The following DUOXA1 variants were observed in gnomAD, a reference collection of about 807,000 sequenced individuals.
DUOXA1 encodes dual oxidase activator 1.
A neutral mutation model predicts 26.6 loss-of-function variants in DUOXA1; 19 were observed. The ratio of observed to expected loss-of-function variants is 0.71; its 90% CI spans 0.50 to 1.05. The LOEUF is 1.05. Ranked by LOEUF, DUOXA1 falls within the 50% of genes least tolerant of loss-of-function variation. The probability of loss-of-function intolerance (pLI) is 0.00; values close to 1 mark genes in which losing one functional copy is unlikely to be tolerated. For missense variants in DUOXA1, 403 were observed against 427.5 expected (o/e 0.94, Z 0.51); for synonymous variants, 166 against 177.0 (o/e 0.94, Z 0.49).
chr15:45,119,707 A>C (rs1045354985), intron 8 of DUOXA1, among the ~76,000 whole-genome samples: 18 of 152,166 alleles, frequency 1.2e-4, no homozygotes, highest in African/African-American at 3.9e-4. Context: ...GGGAGTAGAC[A>C]GCGGGACAGG....
chr15:45,119,804 T>C (rs111472660), intron 8 of DUOXA1, among the ~76,000 whole-genome samples: 122 of 151,376 alleles, frequency 8.1e-4, no homozygotes, highest in Middle Eastern at 3.4e-3. Context: ...AGAAGGGTAT[T>C]TGGAGGAAGC....
At position 45,120,684 on chromosome 15, in the gene DUOXA1, C is replaced by A; in HGVS notation, c.462G>T (p.Val154=). The A allele has an allele frequency of 6.2e-7, 1 of 1,614,166 alleles. No individual in the cohort carries two copies. Among genetic ancestry groups the A allele is most frequent in the Non-Finnish European group, 8.5e-7 (1 of 1,180,014 alleles). The change falls in exon 7 of 9, where the codon GTG becomes GTT. Residue 154 remains valine, a synonymous_variant. Transcript: ENST00000560572. Reference sequence around the variant, plus strand: ...GAGTGAACTTCTCAGCTAGGTACAACACAGGGTCTGGCAGCCCCTTCTCCA... The same window carrying A: ...GAGTGAACTTCTCAGCTAGGTACAAAACAGGGTCTGGCAGCCCCTTCTCCA... ...KALEKGLPDP[V]LYLAEKFTPR... is the part of the protein sequence containing the mutation.
chr15:45,120,319 C>T lies in DUOXA1; in HGVS notation c.556G>A (p.Val186Met). The T allele has an allele frequency of 6.2e-7, 1 of 1,613,948 alleles. No individual in the cohort carries two copies. The highest frequency in any genetic ancestry group is 8.5e-7 in the Non-Finnish European group (1 of 1,180,004). Residue 186 changes from valine (V) to methionine (M), a missense_variant and splice_region_variant, in exon 8 of 9, where the codon GTG becomes ATG. Coordinates refer to ENST00000560572, the MANE Select transcript of DUOXA1 (RefSeq NM_001276266.2). ...AGHYTSAMLW[V>M]AFLCWLLANV... ...GCCAGCAGCCAGCAGAGGAATGCCACCCTGGAGAGCCAGGACCCAGTGAGG... is the reference window on the plus strand; with the variant it reads ...GCCAGCAGCCAGCAGAGGAATGCCATCCTGGAGAGCCAGGACCCAGTGAGG...
intron 6 of DUOXA1, 94 bp downstream of exon 6, chr15:45,120,993 T>C: frequency 6.3e-7 from 1 of 1,576,470 alleles, no homozygotes; most frequent in Non-Finnish European, 8.6e-7. Context: ...CCAGCCCCTG[T>C]GCCAGGCATC....
chr15:45,123,983 A>T (rs1164341141), intron 3 of DUOXA1, among the ~76,000 whole-genome samples: 1 of 152,196 alleles, frequency 6.6e-6, no homozygotes, highest in Non-Finnish European at 1.5e-5. Flanking sequence ...AAGTCTTGCC[A>T]ATTAAACCAT....
chr15:45,118,843 T>G lies in DUOXA1; in HGVS notation c.*263A>C, dbSNP rs1894863082. 8.4e-7 allele frequency: 1 copy of G among 1,196,386 alleles called. No homozygotes were observed. The highest frequency in any genetic ancestry group is 1.0e-6 in the Non-Finnish European group (1 of 963,208). 74.1% of individuals were successfully genotyped at this position (1,196,386 alleles called of 1,614,324 possible). A position where few individuals can be genotyped will look rare whatever the true frequency, so the allele number is the denominator to read the frequency against. ...GCAGCACGGAAAGGCTGGGTTGCTG[T>G]GCAGATAAGCTAGCCCCTGCTTGGC... On this transcript the variant is annotated 3_prime_UTR_variant, in exon 9 of 9. Coordinates refer to ENST00000560572, the MANE Select transcript of DUOXA1 (RefSeq NM_001276266.2).
intron 3 of DUOXA1, among the ~76,000 whole-genome samples, chr15:45,125,566 A>G (rs1316260204): frequency 6.6e-6 from 1 of 152,040 alleles, no homozygotes; most frequent in African/African-American, 2.4e-5. Flanking sequence ...TGCCTTCTCC[A>G]TTAGGTCACT....
chr15:45,122,559 AT>A (rs35373061), intron 4 of DUOXA1, among the ~76,000 whole-genome samples: 1,981 of 146,588 alleles, frequency 0.014, 36 homozygotes, highest in African/African-American at 0.043. Context: ...ATGCCCAGCT[AT>A]TTTTTTTTTT....
In DUOXA1 at chr15:45,120,749, G is replaced by T; in HGVS notation, c.397C>A (p.Arg133Ser). The change falls in exon 7 of 9, where the codon CGC (arginine) becomes AGC (serine). Residue 133 changes from arginine (R) to serine (S), a missense_variant. Arg to Ser is a moderately radical substitution (Grantham distance 110). Transcript: ENST00000560572. Reference protein sequence around the residue: ...TINYNEEFTWRLGENYAEEYA... With the variant: ...TINYNEEFTWSLGENYAEEYA... ...TCCTCAGCATAGTTCTCACCCAGGC[G>T]CCAGGTGAACTCCTCGTTGTAATTG... 2 of 1,614,082 alleles carry T rather than the reference G, an allele frequency of 1.2e-6. No homozygotes were observed. The highest frequency in any genetic ancestry group is 1.1e-5 in the South Asian group (1 of 91,078).
chr15:45,117,634 T>C lies in DUOXA1; in HGVS notation c.*1472A>G. The C allele has an allele frequency of 6.2e-7, 1 of 1,613,786 alleles. No individual in the cohort carries two copies. Among genetic ancestry groups the C allele is most frequent in the Non-Finnish European group, 8.5e-7 (1 of 1,179,878 alleles). Reference sequence around the variant, plus strand: ...GGGAGGTCGAGGCAGGAAGGTCGTTTGAGGCCAGAGTTCGAGACCAGCCTG... The same window carrying C: ...GGGAGGTCGAGGCAGGAAGGTCGTTCGAGGCCAGAGTTCGAGACCAGCCTG... On this transcript the variant is annotated 3_prime_UTR_variant, in exon 9 of 9. Coordinates refer to ENST00000560572, the MANE Select transcript of DUOXA1 (RefSeq NM_001276266.2).
rs775982059 is a variant in DUOXA1 at position 45,117,880 on chromosome 15, G to A, written c.*1226C>T. On this transcript the variant is annotated 3_prime_UTR_variant, in exon 9 of 9. Coordinates refer to ENST00000560572, the MANE Select transcript of DUOXA1 (RefSeq NM_001276266.2). ...ACTGCACAAGCAGGCCGCTCTCCCA[G>A]ACTTAAAATGTATCACCACTAACCT... 3 of 1,613,524 alleles carry A rather than the reference G, an allele frequency of 1.9e-6. No individual in the cohort carries two copies. Among genetic ancestry groups the A allele is most frequent in the South Asian group, 1.1e-5 (1 of 91,080 alleles).
At chr15:45,124,706 T>C (rs1895529879) in intron 3 of DUOXA1, among the ~76,000 whole-genome samples, 1 of 152,116 alleles carries the variant, frequency 6.6e-6, no homozygotes, top group Non-Finnish European at 1.5e-5. Context: ...AGAGACGGGA[T>C]TTCACCATGT....
Position 45,117,791 on chromosome 15 carries a change from T to G in DUOXA1, c.*1315A>C, listed in dbSNP as rs769363509. The stretch of plus-strand genomic sequence containing the variant: ...CGGCCCAGCGCTCTTCGCACCCTTC[T>G]GGACCAAAGCGCCAAGGACTGCAGC... On this transcript the variant is annotated 3_prime_UTR_variant, in exon 9 of 9. Coordinates refer to ENST00000560572, the MANE Select transcript of DUOXA1 (RefSeq NM_001276266.2). 1 of 1,614,008 alleles carries G rather than the reference T, an allele frequency of 6.2e-7. No homozygotes were observed. The highest frequency in any genetic ancestry group is 1.1e-5 in the South Asian group (1 of 91,084).
chr15:45,124,476 T>C (rs1895510251), intron 3 of DUOXA1, among the ~76,000 whole-genome samples: 1 of 152,178 alleles, frequency 6.6e-6, no homozygotes, highest in Admixed American at 6.5e-5. Context: ...GGAGTACATT[T>C]AAATTTTTTA....
intron 3 of DUOXA1, among the ~76,000 whole-genome samples, chr15:45,128,519 G>C (rs530449625): frequency 6.6e-6 from 1 of 152,318 alleles, no homozygotes; most frequent in African/African-American, 2.4e-5. Context: ...TAGCTAAGGG[G>C]ACCCTGTCAG....
At position 45,118,034 on chromosome 15, in the gene DUOXA1, C is replaced by T; in HGVS notation, c.*1072G>A. 1 of 1,595,848 alleles carries T rather than the reference C, an allele frequency of 6.3e-7. No homozygotes were observed. The highest frequency in any genetic ancestry group is 8.6e-7 in the Non-Finnish European group (1 of 1,167,906). ...AGCGCTGCTGGCGCGAGGCCTCGGACATCCGCAGGCACCAGGGAAAGTCTC... is the reference window on the plus strand; with the variant it reads ...AGCGCTGCTGGCGCGAGGCCTCGGATATCCGCAGGCACCAGGGAAAGTCTC... On this transcript the variant is annotated 3_prime_UTR_variant, in exon 9 of 9. Transcript: ENST00000560572.
chr15:45,119,368 G>T lies in DUOXA1; in HGVS notation c.773-3C>A, dbSNP rs1838235639. 1.2e-6 allele frequency: 2 copies of T among 1,603,472 alleles called. No homozygotes were observed. The highest frequency in any genetic ancestry group is 2.7e-5 in the African/African-American group (2 of 74,834). ...GCCCAGCAGCACACACAGCAGTCCT[G>T]GAGATGAGGGCAACAATTGTCCCAC... On this transcript the variant is annotated splice_region_variant and splice_polypyrimidine_tract_variant and intron_variant, in intron 8 of 8. Coordinates refer to ENST00000560572, the MANE Select transcript of DUOXA1 (RefSeq NM_001276266.2).
In DUOXA1 at chr15:45,117,802, G is replaced by A. The variant is rs1338147147; in HGVS notation, c.*1304C>T. ...TCTTCGCACCCTTCTGGACCAAAGC[G>A]CCAAGGACTGCAGCCAGGAGAGAGG... On this transcript the variant is annotated 3_prime_UTR_variant, in exon 9 of 9. Coordinates refer to ENST00000560572, the MANE Select transcript of DUOXA1 (RefSeq NM_001276266.2). 1 of 1,613,882 alleles carries A rather than the reference G, an allele frequency of 6.2e-7. No homozygotes were observed. The highest frequency in any genetic ancestry group is 8.5e-7 in the Non-Finnish European group (1 of 1,180,048).
rs747637552 is a variant in DUOXA1, at chr15:45,120,369, T to C, written c.555-49A>G. On this transcript the variant is annotated intron_variant, in intron 7 of 8. Coordinates refer to ENST00000560572, the MANE Select transcript of DUOXA1 (RefSeq NM_001276266.2). ...GACTGGCCCAGGTACTTCTACCTGCTGGTGAATTTGGATGGGCCCAGGCGG... is the reference window on the plus strand; with the variant it reads ...GACTGGCCCAGGTACTTCTACCTGCCGGTGAATTTGGATGGGCCCAGGCGG... 44 of 1,606,104 alleles carry C rather than the reference T, an allele frequency of 2.7e-5. 1 individual carries two copies. The Admixed American group carries it at 7.0e-4, about 26-fold the overall frequency.
Sources: gnomAD v4.1 joint callset for allele counts (sites outside exome capture counted in the v4.1 genomes callset) on GRCh38, gnomAD v4.1.1 for gene constraint, MANE v1.5 for transcripts, NCBI Gene and HGNC (gene_info 2026-07-23, HGNC 2026-07-21) for gene names.